The following ABCC9 variants were observed in gnomAD, a reference collection of about 807,000 sequenced individuals.
ABCC9 encodes the protein ATP binding cassette subfamily C member 9.
In ABCC9, 95 loss-of-function variants were observed where a neutral mutation model predicts 188.3. That is an observed-to-expected ratio of 0.50 (90% CI 0.43 to 0.60). ABCC9 has a LOEUF of 0.60. Ranked by LOEUF, ABCC9 falls within the 20% of genes least tolerant of loss-of-function variation. ABCC9 has a pLI of 0.00. For missense variants in ABCC9, 1,102 were observed against 1,876.3 expected (o/e 0.59, Z 7.62); for synonymous variants, 659 against 652.7 (o/e 1.01, Z -0.15).
At chr12:21,811,927 A>G (rs1464125565) in intron 36 of ABCC9, 122 bp downstream of exon 36, 3 of 728,916 alleles carry the variant, frequency 4.1e-6, no homozygotes, top group Non-Finnish European at 7.4e-6. Flanking sequence ...TGGATGGTAT[A>G]TTTGATTTTA....
Position 21,838,059 on chromosome 12 carries a change from TA to T in ABCC9, c.3566+18del. 2 of 1,574,096 alleles carry T rather than the reference TA, an allele frequency of 1.3e-6. No individual in the cohort carries two copies. The highest frequency in any genetic ancestry group is 1.7e-6 in the Non-Finnish European group (2 of 1,143,656). ...GATGTTATTGCCTAGTCAGCTAATA[TA>T]AAAATGTGTTTACTCACCTAAAGGC... On this transcript the variant is annotated intron_variant, in intron 30 of 39. Coordinates refer to ENST00000261200, the MANE Select transcript of ABCC9 (RefSeq NM_020297.4).
In ABCC9 at chr12:21,912,970, A is replaced by G. The variant is rs1206458824; in HGVS notation, c.913T>C (p.Tyr305His). The G allele has an allele frequency of 6.2e-7, 1 of 1,613,670 alleles. No homozygotes were observed. Among genetic ancestry groups the G allele is most frequent in the East Asian group, 2.2e-5 (1 of 44,848 alleles). Reference protein sequence around the residue: ...RPILLSSTFRYLADLLGFAGP... With the variant: ...RPILLSSTFRHLADLLGFAGP... ...GCAAAACCCAGTAAATCAGCCAGAT[A>G]GCGGAATGTGCTACTAAGTAGAATT... Residue 305 changes from tyrosine (Y) to histidine (H), a missense_variant, in exon 8 of 40, where the codon TAT becomes CAT. Around this residue, in one of 12 missense-constraint regions of ABCC9, gnomAD observed 305 missense variants for 573.0 expected, o/e 0.53. Transcript: ENST00000261200.
intron 18 of ABCC9, among the ~76,000 whole-genome samples, chr12:21,871,088 G>C (rs1037738176): frequency 3.3e-5 from 5 of 152,164 alleles, no homozygotes; most frequent in Non-Finnish European, 7.4e-5. Flanking sequence ...CTTTCTCTCT[G>C]TTTTAATGAT....
chr12:21,880,153 A>G (rs1316857993), intron 16 of ABCC9, among the ~76,000 whole-genome samples: 1 of 151,750 alleles, frequency 6.6e-6, no homozygotes, highest in African/African-American at 2.4e-5. Flanking sequence ...TAAATGTACT[A>G]CTGCTACATT....
intron 32 of ABCC9, among the ~76,000 whole-genome samples, chr12:21,817,515 T>C (rs1479937598): frequency 1.3e-5 from 2 of 152,174 alleles, no homozygotes; most frequent in Admixed American, 6.5e-5. Context: ...GGTCCATAAC[T>C]GTCACTATTT....
rs1026995892 is a variant in ABCC9 at position 21,861,004 on chromosome 12, T to C, written c.2391A>G (p.Leu797=). Residue 797 remains leucine (L), a synonymous_variant, in exon 21 of 40, where the codon TTA becomes TTG. Transcript: ENST00000261200. ...CAATTTCAGTTTGATCTCCAAATGG[T>C]AATAAGTCAATATCTGGCTGAAGAG... The part of the protein sequence containing the change: ...ACSLQPDIDL[L]PFGDQTEIGE... 6.2e-6 allele frequency: 10 copies of C among 1,613,544 alleles called. No homozygotes were observed. In the African/African-American group the frequency reaches 1.1e-4, roughly 17 times the overall value.
intron 22 of ABCC9, among the ~76,000 whole-genome samples, chr12:21,857,155 G>A (rs544476212): frequency 6.6e-6 from 1 of 152,244 alleles, no homozygotes; most frequent in East Asian, 1.9e-4. Flanking sequence ...AAGATCATAA[G>A]ACCCAAGAGT....
intron 4 of ABCC9, among the ~76,000 whole-genome samples, chr12:21,930,819 G>C (rs1949253476): frequency 1.3e-5 from 2 of 152,044 alleles, no homozygotes; most frequent in Non-Finnish European, 2.9e-5. Context: ...AAACTTAAAG[G>C]CACCTTAAAT....
chr12:21,860,926 T>G (rs1235480448), intron 21 of ABCC9, 45 bp downstream of exon 21: 22 of 1,440,258 alleles, frequency 1.5e-5, no homozygotes, highest in Non-Finnish European at 2.1e-5. Flanking sequence ...CAGAAGACTT[T>G]TCTAGATTTT....
intron 20 of ABCC9, 98 bp from the exon 21 acceptor site, chr12:21,861,153 T>C: frequency 1.0e-6 from 1 of 972,020 alleles, no homozygotes; most frequent in South Asian, 1.3e-5. Flanking sequence ...AATAAAACAT[T>C]TGCTGAATCA....
At chr12:21,816,036 GTTTTTTTTTTTTTTT>G (rs10611051) in intron 33 of ABCC9, 143 bp from the exon 34 acceptor site, 10,429 of 57,602 alleles carry the variant, frequency 0.18, 697 homozygotes, top group Middle Eastern at 0.38. Flanking sequence ...CTATGTGGCA[GTTTTTTTTTTTTTTT>G]TTTTTTTTTT....
At chr12:21,807,269 T>C in intron 38 of ABCC9, 77 bp downstream of exon 38, 1 of 1,597,162 alleles carries the variant, frequency 6.3e-7, no homozygotes, top group Non-Finnish European at 8.6e-7. Context: ...CAGAACCCAA[T>C]CAGGAAATAA....
intron 12 of ABCC9, among the ~76,000 whole-genome samples, chr12:21,905,143 C>T (rs1442909179): frequency 6.6e-6 from 1 of 152,088 alleles, no homozygotes; most frequent in African/African-American, 2.4e-5. Flanking sequence ...AAGCTGGAAA[C>T]CATCATTCTC....
In ABCC9 at chr12:21,915,317, GTA is replaced by G. The variant is rs1178757287; in HGVS notation, c.816+349_816+350del. Among the ~76,000 whole-genome samples, 3 of 58,350 alleles carry G rather than the reference GTA, an allele frequency of 5.1e-5. No homozygotes were observed. In the Admixed American group the frequency reaches 5.9e-4, roughly 11 times the overall value. 38.3% of individuals were successfully genotyped at this position (58,350 alleles called of 152,430 possible). ...ATACATGTGTATATATATATAATGTGTATATATGTGTGTATATATAGACATGT... is the reference window on the plus strand; with the variant it reads ...ATACATGTGTATATATATATAATGTGTATATGTGTGTATATATAGACATGT... On this transcript the variant is annotated intron_variant, in intron 7 of 39. Coordinates refer to ENST00000261200, the MANE Select transcript of ABCC9 (RefSeq NM_020297.4).
In ABCC9 at chr12:21,800,862, G is replaced by T. The variant is rs1591913054; in HGVS notation, c.*182C>A. The T allele has an allele frequency of 3.0e-6, 2 of 665,996 alleles. No individual in the cohort carries two copies. Among genetic ancestry groups the T allele is most frequent in the East Asian group, 5.6e-5 (2 of 35,558 alleles). 41.3% of individuals were successfully genotyped at this position (665,996 alleles called of 1,614,324 possible). A position where few individuals can be genotyped will look rare whatever the true frequency, so the allele number is the denominator to read the frequency against. On this transcript the variant is annotated 3_prime_UTR_variant, in exon 40 of 40. Coordinates refer to ENST00000261200, the MANE Select transcript of ABCC9 (RefSeq NM_020297.4). Reference sequence around the variant, plus strand: ...GGATCACTATAAAAACATCAATAATGAACATATTAAGCAATAATATCTTGA... The same window carrying T: ...GGATCACTATAAAAACATCAATAATTAACATATTAAGCAATAATATCTTGA...
intron 9 of ABCC9, 54 bp downstream of exon 9, chr12:21,910,772 T>C: frequency 3.3e-6 from 5 of 1,505,772 alleles, no homozygotes; most frequent in Non-Finnish European, 4.6e-6. Flanking sequence ...TTCTTTTCAC[T>C]GAATGGTATA....
Position 21,809,522 on chromosome 12 carries a change from A to T in ABCC9, c.4315+330T>A, listed in dbSNP as rs138051285. 8.5e-3 allele frequency among the ~76,000 whole-genome samples: 1,294 copies of T among 152,272 alleles called. 54 individuals are homozygous for T. Among genetic ancestry groups the T allele is most frequent in the Admixed American group, 0.078 (1,189 of 15,260 alleles). On this transcript the variant is annotated intron_variant, in intron 37 of 39. Coordinates refer to ENST00000261200, the MANE Select transcript of ABCC9 (RefSeq NM_020297.4). Reference sequence around the variant, plus strand: ...TCCACTCATTTCCTGATGGTAGGTGATCAGACAGGTCAACTGAGAAAGAGT... The same window carrying T: ...TCCACTCATTTCCTGATGGTAGGTGTTCAGACAGGTCAACTGAGAAAGAGT...
At chr12:21,817,693 G>A (rs773438695) in intron 32 of ABCC9, among the ~76,000 whole-genome samples, 8 of 152,148 alleles carry the variant, frequency 5.3e-5, no homozygotes, top group Non-Finnish European at 1.0e-4. Context: ...CAAGATCTGA[G>A]AAGTTCTTAA....
At chr12:21,886,842 T>C (rs1430667934) in intron 15 of ABCC9, among the ~76,000 whole-genome samples, 1 of 152,148 alleles carries the variant, frequency 6.6e-6, no homozygotes, top group African/African-American at 2.4e-5. Context: ...TTCTCCTGCA[T>C]GGAATGCTCT....
Sources: allele counts gnomAD v4.1 joint callset (sites outside exome capture counted in the v4.1 genomes callset), GRCh38; gene constraint gnomAD v4.1.1; regional missense constraint gnomAD v4.1.1; transcripts MANE v1.5; gene names NCBI Gene and HGNC (gene_info 2026-07-23, HGNC 2026-07-21).